Variants in BSN observed in about 807,000 individuals in gnomAD.
The protein encoded by BSN is protein bassoon.
BSN carries 57 observed loss-of-function variants against 264.8 expected under a neutral mutation model. The observed-to-expected ratio is 0.22, with a 90% CI of 0.17 to 0.27. The LOEUF (loss-of-function observed/expected upper bound fraction) is 0.27. Among genes scored for constraint, BSN ranks in the 10% least tolerant of loss-of-function variants. The probability of loss-of-function intolerance (pLI) is 1.00; values close to 1 mark genes in which losing one functional copy is unlikely to be tolerated. For synonymous variants in BSN, 2,059 were observed against 2,137.3 expected, an observed-to-expected ratio of 0.96 and a Z score of 1.01; for missense variants, 4,615 against 5,232.5, an observed-to-expected ratio of 0.88 and a Z score of 3.64.
Position 49,572,953 on chromosome 3 carries a change from G to A in BSN, c.224+18127G>A, listed in dbSNP as rs182613013. 1.9e-3 allele frequency among the ~76,000 whole-genome samples: 292 copies of A among 152,244 alleles called. 11 individuals are homozygous for A. The highest frequency in any genetic ancestry group is 0.019 in the Admixed American group (288 of 15,298). On this transcript the variant is annotated intron_variant, in intron 1 of 11. Transcript: ENST00000296452. ...TTTGGGGATGACTCTCAGGTACTCC[G>A]AGACTGGGGGAGGCCAAGTCTCAGA...
intron 3 of BSN, among the ~76,000 whole-genome samples, chr3:49,646,507 A>C (rs2052504265): frequency 6.6e-6 from 1 of 152,232 alleles, no homozygotes; most frequent in Non-Finnish European, 1.5e-5. Flanking sequence ...CAGCAGGGGC[A>C]TCAGGCCAGA....
Position 49,642,648 on chromosome 3 carries a change from C to T in BSN, c.1014C>T (p.Ala338=). ...CCGCAGTGCCCGCTGGGCTTGGTGC[C>T]ACTGAGCAGACCCAGGAGGGCCTCA... The part of the protein sequence containing the change: ...SATAVPAGLG[A]TEQTQEGLTG... The change falls in exon 3 of 12, where the codon GCC becomes GCT. Residue 338 remains alanine (A), a synonymous_variant. Transcript: ENST00000296452. This position sits in a 1 kb window ranked among gnomAD's most constrained non-coding sequence, Gnocchi z 7.0. The T allele has an allele frequency of 6.2e-7, 1 of 1,605,370 alleles. No individual in the cohort carries two copies. Among genetic ancestry groups the T allele is most frequent in the Non-Finnish European group, 8.5e-7 (1 of 1,175,170 alleles).
chr3:49,619,785 C>T (rs1274161028), intron 1 of BSN, among the ~76,000 whole-genome samples: 2 of 152,074 alleles, frequency 1.3e-5, no homozygotes, highest in African/African-American at 2.4e-5. Context: ...AGAGAAGGGC[C>T]GAGTGTCATG....
At chr3:49,583,273 G>A (rs1468594159) in intron 1 of BSN, among the ~76,000 whole-genome samples, 1 of 152,056 alleles carries the variant, frequency 6.6e-6, no homozygotes, top group African/African-American at 2.4e-5. Flanking sequence ...CTGGAACATT[G>A]ATTGATTTTT....
At chr3:49,606,205 ATATATG>A (rs1196311449) in intron 1 of BSN, among the ~76,000 whole-genome samples, 30 of 63,908 alleles carry the variant, frequency 4.7e-4, no homozygotes, top group African/African-American at 2.0e-3. Flanking sequence ...TACATATATT[ATATATG>A]TATATATTAT....
intron 2 of BSN, among the ~76,000 whole-genome samples, chr3:49,629,898 G>A (rs1313416774): frequency 1.3e-5 from 2 of 152,238 alleles, no homozygotes; most frequent in Non-Finnish European, 2.9e-5. Flanking sequence ...TCTGGACTTT[G>A]CTGAGGCCAA....
At chr3:49,557,722 C>T (rs924105522) in intron 1 of BSN, among the ~76,000 whole-genome samples, 19 of 152,122 alleles carry the variant, frequency 1.2e-4, no homozygotes, top group African/African-American at 4.6e-4. Flanking sequence ...GGACTGCAGG[C>T]GCCCACCACC....
intron 1 of BSN, among the ~76,000 whole-genome samples, chr3:49,575,266 A>C (rs1419254781): frequency 6.6e-6 from 1 of 151,884 alleles, no homozygotes; most frequent in East Asian, 1.9e-4. Context: ...AGGCAGGAGA[A>C]TCACTTGAAC....
chr3:49,589,590 T>C (rs1401594674), intron 1 of BSN, among the ~76,000 whole-genome samples: 3 of 147,110 alleles, frequency 2.0e-5, no homozygotes, highest in African/African-American at 7.5e-5. Context: ...CACAGCAACC[T>C]CCGCCTTCCA....
chr3:49,617,981 T>C lies in BSN; in HGVS notation c.225-6994T>C, dbSNP rs563003166. 3.3e-5 allele frequency among the ~76,000 whole-genome samples: 5 copies of C among 152,288 alleles called. 1 individual carries two copies. The South Asian group carries it at 1.0e-3, about 32-fold the overall frequency. On this transcript the variant is annotated intron_variant, in intron 1 of 11. Transcript: ENST00000296452. ...CATGGCATGGGGCATTGTTGAGTGCTCCTCCTCATGGGAACTTCTATAACC... is the reference window on the plus strand; with the variant it reads ...CATGGCATGGGGCATTGTTGAGTGCCCCTCCTCATGGGAACTTCTATAACC...
chr3:49,562,494 G>A (rs1000144687), intron 1 of BSN, among the ~76,000 whole-genome samples: 2 of 152,188 alleles, frequency 1.3e-5, no homozygotes. Flanking sequence ...AGAGAAATGA[G>A]AGTATGATTA....
In BSN at chr3:49,657,100, G is replaced by C. The variant is rs773454214; in HGVS notation, c.7544G>C (p.Gly2515Ala). The C allele has an allele frequency of 1.9e-6, 3 of 1,610,750 alleles. No individual in the cohort carries two copies. The highest frequency in any genetic ancestry group is 3.3e-5 in the Admixed American group (2 of 59,948). ...LTHAAFIAMA[G>A]PEGLGQPREP... ...CATGCAGCCTTCATTGCCATGGCAG[G>C]GCCTGAAGGACTTGGGCAGCCTCGT... Residue 2515 changes from glycine to alanine, a missense_variant, in exon 5 of 12, where the codon GGG (glycine) becomes GCG (alanine). Physicochemically the swap from Gly to Ala is moderately conservative, Grantham distance 60. Around this residue, in one of 3 missense-constraint regions of BSN, gnomAD observed 3,415 missense variants for 3,866.4 expected, o/e 0.88. Coordinates refer to ENST00000296452, the MANE Select transcript of BSN (RefSeq NM_003458.4).
At position 49,554,747 on chromosome 3, in the gene BSN, G is replaced by A. The variant is rs2051650810; in HGVS notation, c.145G>A (p.Ala49Thr). Residue 49 changes from alanine (A) to threonine (T), a missense_variant, in exon 1 of 12, where the codon GCG becomes ACG. By Grantham distance (58) the Ala-to-Thr change is moderately conservative. Around this residue, in one of 3 missense-constraint regions of BSN, gnomAD observed 1,197 missense variants for 1,348.0 expected, o/e 0.89. Coordinates refer to ENST00000296452, the MANE Select transcript of BSN (RefSeq NM_003458.4). ...GGCCGGTGGCGGACAGCTCCCCGCGGCGGGAGCAGCGCGGTCGACCGCGGT... is the reference window on the plus strand; with the variant it reads ...GGCCGGTGGCGGACAGCTCCCCGCGACGGGAGCAGCGCGGTCGACCGCGGT... ...APAGGGQLPA[A>T]GAARSTAVPP... is the part of the protein sequence containing the mutation. 1.6e-6 allele frequency: 2 copies of A among 1,230,636 alleles called. No homozygotes were observed. The highest frequency in any genetic ancestry group is 2.0e-6 in the Non-Finnish European group (2 of 984,908). The allele number at this position is 1,230,636 out of a possible 1,614,324, so 76.2% of individuals were successfully genotyped here.
intron 2 of BSN, among the ~76,000 whole-genome samples, chr3:49,627,194 G>C (rs1160414032): frequency 6.6e-6 from 1 of 152,234 alleles, no homozygotes; most frequent in Non-Finnish European, 1.5e-5. Flanking sequence ...TCAGTGTCCT[G>C]AGGGGCATCA....
chr3:49,631,861 C>CA (rs1304721470), intron 2 of BSN, among the ~76,000 whole-genome samples: 1 of 152,112 alleles, frequency 6.6e-6, no homozygotes, highest in Non-Finnish European at 1.5e-5. Context: ...AAGGGCCCTT[C>CA]AAATAGCCAA....
chr3:49,666,288 G>A (rs1164343283), intron 11 of BSN, among the ~76,000 whole-genome samples: 3 of 152,216 alleles, frequency 2.0e-5, no homozygotes, highest in African/African-American at 7.2e-5. Context: ...GGAGCTAGGT[G>A]TGATACCTCA....
At chr3:49,588,594 A>G (rs1234719259) in intron 1 of BSN, among the ~76,000 whole-genome samples, 1 of 152,150 alleles carries the variant, frequency 6.6e-6, no homozygotes, top group Non-Finnish European at 1.5e-5. Flanking sequence ...GAGTACTGCT[A>G]TCACTACATC....
intron 1 of BSN, among the ~76,000 whole-genome samples, chr3:49,592,779 A>T (rs1424480210): frequency 1.3e-5 from 2 of 151,744 alleles, no homozygotes; most frequent in African/African-American, 4.8e-5. Flanking sequence ...TAATACAGAG[A>T]GATTCCTTTT....
Position 49,653,641 on chromosome 3 carries a change from C to A in BSN, c.4085C>A (p.Ser1362Tyr), listed in dbSNP as rs1329127503. The A allele has an allele frequency of 1.2e-6, 2 of 1,613,728 alleles. No individual in the cohort carries two copies. Among genetic ancestry groups the A allele is most frequent in the Non-Finnish European group, 8.5e-7 (1 of 1,180,012 alleles). The stretch of plus-strand genomic sequence containing the variant: ...CTCAAGCTGCACAGCTCTCCTGCCT[C>A]CCCCAGCTCAGCCTCCAAGGAGATA... Reference protein sequence around the residue: ...DPLKLHSSPASPSSASKEIGM... With the variant: ...DPLKLHSSPAYPSSASKEIGM... Residue 1362 changes from serine (S) to tyrosine (Y), a missense_variant, in exon 5 of 12, where the codon TCC (serine) becomes TAC (tyrosine). Ser to Tyr is a moderately radical substitution (Grantham distance 144). Around this residue, in one of 3 missense-constraint regions of BSN, gnomAD observed 3,415 missense variants for 3,866.4 expected, o/e 0.88. Coordinates refer to ENST00000296452, the MANE Select transcript of BSN (RefSeq NM_003458.4). The surrounding 1 kb of genome is among the most constrained non-coding windows in gnomAD (Gnocchi z 6.3).
Sources: gnomAD v4.1 joint callset for allele counts (sites outside exome capture counted in the v4.1 genomes callset) on GRCh38, gnomAD v4.1.1 for gene constraint, gnomAD v4.1.1 regional missense constraint, Gnocchi (gnomAD v3.1) non-coding constraint, MANE v1.5 for transcripts, NCBI Gene and HGNC (gene_info 2026-07-23, HGNC 2026-07-21) for gene names.